Variants in DNER observed in about 807,000 individuals in gnomAD.
The protein encoded by DNER is delta and Notch-like epidermal growth factor-related receptor.
In DNER, 33 loss-of-function variants were observed where a neutral mutation model predicts 78.2. The observed-to-expected ratio is 0.42, with a 90% confidence interval of 0.32 to 0.56. The LOEUF (loss-of-function observed/expected upper bound fraction) is 0.56. Ranked by LOEUF, DNER falls within the 20% of genes least tolerant of loss-of-function variation. DNER has a pLI of 0.11. For missense variants in DNER, 918 were observed against 975.3 expected (o/e 0.94, Z 0.78); for synonymous variants, 417 against 384.8 (o/e 1.08, Z -0.98).
intron 1 of DNER, among the ~76,000 whole-genome samples, chr2:229,708,758 C>T (rs145807469): frequency 2.0e-5 from 3 of 152,308 alleles, no homozygotes; most frequent in East Asian, 3.9e-4. Context: ...GACAGGAACA[C>T]GTTTTTGTGA....
At chr2:229,550,212 C>T (rs879411934) in intron 4 of DNER, among the ~76,000 whole-genome samples, 11 of 151,710 alleles carry the variant, frequency 7.3e-5, no homozygotes, top group Non-Finnish European at 1.6e-4. Flanking sequence ...AGGCTGTTCT[C>T]GAACTCCTGG....
chr2:229,418,683 A>G (rs1203182254), intron 8 of DNER, among the ~76,000 whole-genome samples: 4 of 152,110 alleles, frequency 2.6e-5, no homozygotes, highest in Non-Finnish European at 5.9e-5. Flanking sequence ...ACTTTGGGAT[A>G]CCGAGGCAGG....
chr2:229,556,805 C>T (rs1696863586), intron 4 of DNER, among the ~76,000 whole-genome samples: 1 of 152,176 alleles, frequency 6.6e-6, no homozygotes, highest in Non-Finnish European at 1.5e-5. Flanking sequence ...TCACACATTA[C>T]CACGTAACTC....
intron 7 of DNER, among the ~76,000 whole-genome samples, chr2:229,458,161 A>AAAAAAAAAAAAAAAAAAAAAAG (rs1694616143): frequency 6.9e-6 from 1 of 145,074 alleles, no homozygotes; most frequent in Non-Finnish European, 1.5e-5. Context: ...AAAAAAAAAA[A>AAAAAAAAAAAAAAAAAAAAAAG]GGAAAGTAAA....
chr2:229,437,933 A>G (rs1284805436), intron 8 of DNER, among the ~76,000 whole-genome samples: 1 of 152,188 alleles, frequency 6.6e-6, no homozygotes, highest in African/African-American at 2.4e-5. Flanking sequence ...GAGAAGAGCT[A>G]ATCAAGAGAA....
At chr2:229,653,285 A>G (rs2154216340) in intron 1 of DNER, among the ~76,000 whole-genome samples, 1 of 152,288 alleles carries the variant, frequency 6.6e-6, no homozygotes, top group East Asian at 1.9e-4. Flanking sequence ...TGGAGAGTCG[A>G]GGCTGACACC....
chr2:229,610,194 CA>C (rs1486956807), intron 1 of DNER, among the ~76,000 whole-genome samples: 1 of 152,054 alleles, frequency 6.6e-6, no homozygotes, highest in Non-Finnish European at 1.5e-5. Flanking sequence ...TGAAAATAAA[CA>C]GGAAGGATGA....
rs547085598 is a variant in DNER, at chr2:229,365,148, A to T, written c.2102+1725T>A. Among the ~76,000 whole-genome samples, 7 of 152,348 alleles carry T rather than the reference A, an allele frequency of 4.6e-5. No individual in the cohort carries two copies. The East Asian group carries it at 1.3e-3, about 29-fold the overall frequency. On this transcript the variant is annotated intron_variant, in intron 12 of 12. Coordinates refer to ENST00000341772, the MANE Select transcript of DNER (RefSeq NM_139072.4). The stretch of plus-strand genomic sequence containing the variant: ...CTAGTAAAAGCTAAGTAGAAATTCA[A>T]AAGAAACACAGAACCCATTGATGAA...
chr2:229,518,998 G>A (rs1488881549), intron 5 of DNER, among the ~76,000 whole-genome samples: 1 of 151,210 alleles, frequency 6.6e-6, no homozygotes, highest in East Asian at 1.9e-4. Flanking sequence ...TAAGCTCAGG[G>A]TCTAGTTGAA....
chr2:229,398,325 AATACTTTT>A (rs370053637), intron 10 of DNER, among the ~76,000 whole-genome samples: 1,913 of 152,246 alleles, frequency 0.013, 39 homozygotes, highest in African/African-American at 0.044. Context: ...AGATGATTTA[AATACTTTT>A]ATAACTATTG....
At chr2:229,435,712 T>C (rs1246793252) in intron 8 of DNER, among the ~76,000 whole-genome samples, 1 of 152,176 alleles carries the variant, frequency 6.6e-6, no homozygotes, top group Non-Finnish European at 1.5e-5. Flanking sequence ...ACCTAGGACA[T>C]TCACTCTGAT....
chr2:229,651,589 G>A (rs1698818061), intron 1 of DNER, among the ~76,000 whole-genome samples: 1 of 152,226 alleles, frequency 6.6e-6, no homozygotes, highest in African/African-American at 2.4e-5. Flanking sequence ...TTCTCAAGCT[G>A]AGTCCCTCCC....
chr2:229,469,332 G>A (rs1694871637), intron 7 of DNER, among the ~76,000 whole-genome samples: 1 of 152,190 alleles, frequency 6.6e-6, no homozygotes, highest in South Asian at 2.1e-4. Flanking sequence ...TAGAGCCTCA[G>A]GAATTATCTG....
intron 12 of DNER, among the ~76,000 whole-genome samples, chr2:229,360,753 C>T (rs1355313588): frequency 6.6e-6 from 1 of 152,216 alleles, no homozygotes; most frequent in Non-Finnish European, 1.5e-5. Context: ...GAGTGAGCCA[C>T]ATGGCCACCT....
chr2:229,536,839 G>A (rs186723311), intron 5 of DNER, among the ~76,000 whole-genome samples: 8 of 152,270 alleles, frequency 5.3e-5, no homozygotes, highest in South Asian at 2.1e-4. Context: ...TCCTGGAGGC[G>A]TATGAAGGCT....
chr2:229,506,746 C>A (rs62192050), intron 6 of DNER, among the ~76,000 whole-genome samples: 14,058 of 150,616 alleles, frequency 0.093, 697 homozygotes, highest in African/African-American at 0.11. Context: ...TCACTTCCCA[C>A]CTATGAGTGA....
chr2:229,512,694 G>C, intron 6 of DNER, 89 bp downstream of exon 6: 1 of 1,533,012 alleles, frequency 6.5e-7, no homozygotes, highest in Non-Finnish European at 8.8e-7. Flanking sequence ...AGTACCACCT[G>C]TTCTCCAAAA....
At chr2:229,557,811 A>T (rs75921047) in intron 4 of DNER, among the ~76,000 whole-genome samples, 1,972 of 152,284 alleles carry the variant, frequency 0.013, 57 homozygotes, top group African/African-American at 0.045. Context: ...ATTTTGGAAG[A>T]CAGTGTGGCA....
At chr2:229,359,307 A>G (rs551059676) in intron 12 of DNER, among the ~76,000 whole-genome samples, 2 of 152,350 alleles carry the variant, frequency 1.3e-5, no homozygotes, top group African/African-American at 4.8e-5. Context: ...ATTTGTATGT[A>G]TCAAAATTGC....
Sources: allele counts gnomAD v4.1 joint callset (sites outside exome capture counted in the v4.1 genomes callset), GRCh38; gene constraint gnomAD v4.1.1; transcripts MANE v1.5; gene names NCBI Gene and HGNC (gene_info 2026-07-23, HGNC 2026-07-21).